CARS2: variants seen among roughly 807,000 people sequenced by gnomAD.
The protein encoded by CARS2 is cysteinyl-tRNA synthetase 2, mitochondrial.
A neutral mutation model predicts 68.8 loss-of-function variants in CARS2; 52 were observed. That is an observed-to-expected ratio of 0.76 (90% CI 0.61 to 0.95). The LOEUF (loss-of-function observed/expected upper bound fraction) is 0.95, where lower values mean the gene tolerates loss of function less well. Among genes scored for constraint, CARS2 ranks in the 40% least tolerant of loss-of-function variants. The pLI, the probability that CARS2 is intolerant of heterozygous loss-of-function variation, is 0.00. For missense variants in CARS2, 780 were observed against 754.2 expected (o/e 1.03, Z -0.40); for synonymous variants, 314 against 303.6 (o/e 1.03, Z -0.36).
chr13:110,706,419 G>A (rs2063961738), upstream of CARS2: 1 of 186,092 alleles, frequency 5.4e-6, no homozygotes, highest in Non-Finnish European at 1.1e-5. Flanking sequence ...AGGCGTCCGT[G>A]TGCGCGCGGT....
chr13:110,711,688 G>A (rs1011003055), intron 1 of CARS2, among the ~76,000 whole-genome samples: 2 of 152,232 alleles, frequency 1.3e-5, no homozygotes, highest in African/African-American at 4.8e-5. Flanking sequence ...GTGAGATGAA[G>A]GGGCTTAAAA....
At chr13:110,703,220 T>C (rs896763519) in intron 2 of CARS2, among the ~76,000 whole-genome samples, 8 of 152,254 alleles carry the variant, frequency 5.3e-5, no homozygotes, top group Non-Finnish European at 1.0e-4. Flanking sequence ...GCTCAAATTC[T>C]ACCTTTCTGC....
At chr13:110,678,839 AG>A (rs777799250) in intron 6 of CARS2, among the ~76,000 whole-genome samples, 3 of 151,746 alleles carry the variant, frequency 2.0e-5, no homozygotes, top group South Asian at 4.2e-4. Context: ...AGACGGTGGG[AG>A]GGGGGAAGAG....
intron 13 of CARS2, 82 bp from the exon 14 acceptor site, chr13:110,642,603 G>A (rs1241847828): frequency 1.5e-6 from 2 of 1,348,696 alleles, no homozygotes; most frequent in South Asian, 1.2e-5. Flanking sequence ...TTGGGCTCTG[G>A]GCCGACACCC....
chr13:110,686,926 G>T (rs1377871591), intron 5 of CARS2, among the ~76,000 whole-genome samples: 1 of 152,102 alleles, frequency 6.6e-6, no homozygotes, highest in Non-Finnish European at 1.5e-5. Context: ...CCAGGCTGGA[G>T]TGCAATGGTG....
At chr13:110,658,479 T>C (rs990558083) in intron 9 of CARS2, among the ~76,000 whole-genome samples, 1 of 152,204 alleles carries the variant, frequency 6.6e-6, no homozygotes, top group African/African-American at 2.4e-5. Context: ...ACTACTGAAC[T>C]GTATGGTTAA....
chr13:110,656,329 A>G (rs1355632247), intron 9 of CARS2, among the ~76,000 whole-genome samples: 1 of 152,156 alleles, frequency 6.6e-6, no homozygotes, highest in South Asian at 2.1e-4. Context: ...TAAATTGAAA[A>G]GGGGAAGAGA....
In CARS2 at chr13:110,665,214, A is replaced by G. The variant is rs919020678; in HGVS notation, c.920-1696T>C. The G allele has an allele frequency of 1.1e-6, 1 of 945,420 alleles. No individual in the cohort carries two copies. The highest frequency in any genetic ancestry group is 1.3e-6 in the Non-Finnish European group (1 of 793,512). 58.6% of individuals were successfully genotyped at this position (945,420 alleles called of 1,614,324 possible). On this transcript the variant is annotated intron_variant, in intron 8 of 14. Coordinates refer to ENST00000257347, the MANE Select transcript of CARS2 (RefSeq NM_024537.4). The surrounding 1 kb of genome is among the most constrained non-coding windows in gnomAD (Gnocchi z 4.3). Reference sequence around the variant, plus strand: ...ATAATCCCAGCACTTTGGGAGGCAGAGGTGGCAGATCACTTGAGGTCAGGG... The same window carrying G: ...ATAATCCCAGCACTTTGGGAGGCAGGGGTGGCAGATCACTTGAGGTCAGGG...
intron 12 of CARS2, 157 bp downstream of exon 12, chr13:110,645,810 G>A (rs1166988830): frequency 5.0e-6 from 5 of 998,298 alleles, no homozygotes; most frequent in Non-Finnish European, 7.2e-6. Context: ...CATCCCGTGT[G>A]TCAGCGGCAG....
Position 110,685,689 on chromosome 13 carries a change from G to C in CARS2, c.571+2032C>G, listed in dbSNP as rs566837807. On this transcript the variant is annotated intron_variant, in intron 5 of 14. Coordinates refer to ENST00000257347, the MANE Select transcript of CARS2 (RefSeq NM_024537.4). Reference sequence around the variant, plus strand: ...ATGGTACAGCAGAGATATCAAGGCTGAGAAAGTAAGTTCACTTTCAACTGT... The same window carrying C: ...ATGGTACAGCAGAGATATCAAGGCTCAGAAAGTAAGTTCACTTTCAACTGT... Among the ~76,000 whole-genome samples, 7 of 152,328 alleles carry C rather than the reference G, an allele frequency of 4.6e-5. No individual in the cohort carries two copies. In the South Asian group the frequency reaches 1.4e-3, roughly 32 times the overall value.
intron 7 of CARS2, among the ~76,000 whole-genome samples, chr13:110,669,764 C>T (rs140164328): frequency 0.011 from 1,664 of 152,200 alleles, 15 homozygotes; most frequent in Non-Finnish European, 0.018. Flanking sequence ...GGTGGGGCAT[C>T]GCCTCACCTG....
At chr13:110,696,597 A>G (rs2063630933) in intron 3 of CARS2, among the ~76,000 whole-genome samples, 1 of 152,250 alleles carries the variant, frequency 6.6e-6, no homozygotes, top group Non-Finnish European at 1.5e-5. Context: ...CATTGAAGTC[A>G]GACATTATTT....
chr13:110,690,141 T>A (rs1288019109), intron 3 of CARS2, among the ~76,000 whole-genome samples: 1 of 152,090 alleles, frequency 6.6e-6, no homozygotes, highest in Non-Finnish European at 1.5e-5. Context: ...GGCAGGAGAA[T>A]CGCTTGAACC....
At position 110,665,443 on chromosome 13, in the gene CARS2, TCAA is replaced by T. The variant is rs910488134; in HGVS notation, c.919+1894_919+1896del. On this transcript the variant is annotated intron_variant, in intron 8 of 14. Transcript: ENST00000257347. This position sits in a 1 kb window ranked among gnomAD's most constrained non-coding sequence, Gnocchi z 4.3. ...GGCTGGGGGACGGAGCGAAATTGTT[TCAA>T]CAACAACAGCAAATGCTTTCCCATT... The T allele has an allele frequency of 4.1e-5, 40 of 985,312 alleles. No individual in the cohort carries two copies. In the East Asian group the frequency reaches 1.1e-3, roughly 28 times the overall value. The allele number at this position is 985,312 out of a possible 1,614,324, so 61.0% of individuals were successfully genotyped here.
rs780225759 is a variant in CARS2, at chr13:110,667,371, G to A, written c.888C>T (p.Cys296=). 1.8e-5 allele frequency: 29 copies of A among 1,613,324 alleles called. No homozygotes were observed. Among genetic ancestry groups the A allele is most frequent in the South Asian group, 1.1e-4 (10 of 90,908 alleles). ...GCAGAAAATAATTTCCCCACTGCTC[G>A]CACTGATGAAAGACTTCGCACTGTG... is the stretch of plus-strand genomic sequence containing the variant. ...EIAQCEVFHQ[C]EQWGNYFLHS... Residue 296 remains cysteine, a synonymous_variant, in exon 8 of 15, where the codon TGC becomes TGT. Coordinates refer to ENST00000257347, the MANE Select transcript of CARS2 (RefSeq NM_024537.4).
chr13:110,713,123 G>A, intron 1 of CARS2: 4 of 1,429,862 alleles, frequency 2.8e-6, no homozygotes, highest in Non-Finnish European at 2.7e-6. Flanking sequence ...AAGAGTCCGG[G>A]GGGCATTACT....
chr13:110,649,931 C>CTGTTTTTTTTGTTTTTTTTT (rs1249270267), intron 10 of CARS2, among the ~76,000 whole-genome samples: 1 of 73,184 alleles, frequency 1.4e-5, no homozygotes, highest in East Asian at 4.4e-4. Flanking sequence ...TGGATAACGA[C>CTGTTTTTTTTGTTTTTTTTT]TTTTTTTTTT....
intron 3 of CARS2, among the ~76,000 whole-genome samples, chr13:110,699,396 T>A (rs569187509): frequency 1.3e-5 from 2 of 152,214 alleles, no homozygotes; most frequent in Admixed American, 1.3e-4. Flanking sequence ...GGTGCATGGG[T>A]TCATATGCTC....
At chr13:110,663,854 C>G (rs1451660417) in intron 8 of CARS2, 2 of 1,078,588 alleles carry the variant, frequency 1.9e-6, no homozygotes, top group Middle Eastern at 4.2e-4. Context: ...TTCAGAGATA[C>G]TGAATTCAGA....
Sources: gnomAD v4.1 joint callset for allele counts (sites outside exome capture counted in the v4.1 genomes callset) on GRCh38, gnomAD v4.1.1 for gene constraint, Gnocchi (gnomAD v3.1) non-coding constraint, MANE v1.5 for transcripts, NCBI Gene and HGNC (gene_info 2026-07-23, HGNC 2026-07-21) for gene names.